The following CELF4 variants were observed in gnomAD, a reference collection of about 807,000 sequenced individuals.
The protein encoded by CELF4 is CUGBP Elav-like family member 4, also known as CUG-BP- and ETR-3-like factor 4.
A neutral mutation model predicts 59.9 loss-of-function variants in CELF4; 18 were observed. That is an observed-to-expected ratio of 0.30 (90% CI 0.21 to 0.45). The LOEUF (loss-of-function observed/expected upper bound fraction) is 0.45. Ranked by LOEUF, CELF4 falls within the 20% of genes least tolerant of loss-of-function variation. The pLI is 1.00. For missense variants in CELF4, 456 were observed against 689.0 expected, an observed-to-expected ratio of 0.66 and a Z score of 3.79; for synonymous variants, 261 against 267.1, an observed-to-expected ratio of 0.98 and a Z score of 0.22.
intron 2 of CELF4, among the ~76,000 whole-genome samples, chr18:37,375,372 G>A (rs2098956284): frequency 6.6e-6 from 1 of 152,148 alleles, no homozygotes; most frequent in Admixed American, 6.5e-5. Context: ...CAGTACCAGG[G>A]CAGCAGCTAG....
chr18:37,453,101 C>T (rs999425619), intron 2 of CELF4, among the ~76,000 whole-genome samples: 11 of 152,260 alleles, frequency 7.2e-5, no homozygotes, highest in East Asian at 3.9e-4. Flanking sequence ...GCCTTGCTTC[C>T]GGGTTCCCTC....
At chr18:37,399,812 CA>C (rs2099302671) in intron 2 of CELF4, among the ~76,000 whole-genome samples, 1 of 152,214 alleles carries the variant, frequency 6.6e-6, no homozygotes, top group Non-Finnish European at 1.5e-5. Flanking sequence ...TGACCTTGGG[CA>C]AATCAATTCA....
rs368009011 is a variant in CELF4 at position 37,369,016 on chromosome 18, C to CAGCT, written c.370-47139_370-47136dup. The stretch of plus-strand genomic sequence containing the variant: ...CCTGGGGGCTGAGTGCTTGCTTGGG[C>CAGCT]AGCTCTAAGGTGGATTCCAGAATGG... On this transcript the variant is annotated intron_variant, in intron 2 of 12. Transcript: ENST00000420428. 5.9e-5 allele frequency among the ~76,000 whole-genome samples: 9 copies of CAGCT among 152,310 alleles called. 1 individual carries two copies. Among genetic ancestry groups the CAGCT allele is most frequent in the African/African-American group, 2.2e-4 (9 of 41,564 alleles).
intron 3 of CELF4, among the ~76,000 whole-genome samples, chr18:37,292,443 C>T (rs143103864): frequency 3.9e-5 from 6 of 152,278 alleles, no homozygotes; most frequent in Admixed American, 1.3e-4. Flanking sequence ...GCCCTTAAAT[C>T]GCCCCACAGA....
chr18:37,275,002 C>A, intron 4 of CELF4, 113 bp downstream of exon 4: 1 of 1,537,376 alleles, frequency 6.5e-7, no homozygotes. Context: ...GAAAGAGACA[C>A]CAAGAAGCCC....
intron 8 of CELF4, among the ~76,000 whole-genome samples, chr18:37,267,511 G>C (rs1159717316): frequency 1.3e-5 from 2 of 152,220 alleles, no homozygotes; most frequent in East Asian, 3.9e-4. Flanking sequence ...AGCCCAGAGA[G>C]GTGGTAGAGG....
At chr18:37,432,529 C>G (rs1399408307) in intron 2 of CELF4, among the ~76,000 whole-genome samples, 1 of 152,188 alleles carries the variant, frequency 6.6e-6, no homozygotes. Context: ...CAAAGCAAAT[C>G]CTGGGGGCAG....
intron 2 of CELF4, among the ~76,000 whole-genome samples, chr18:37,342,466 C>A (rs1179324973): frequency 5.9e-5 from 9 of 152,152 alleles, no homozygotes; most frequent in African/African-American, 1.4e-4. Context: ...GGGAAGGGGG[C>A]CTGCCTCGGA....
Position 37,246,651 on chromosome 18 carries a change from C to G in CELF4, c.*45-1454G>C, listed in dbSNP as rs974998870. Among the ~76,000 whole-genome samples, 1 of 151,508 alleles carries G rather than the reference C, an allele frequency of 6.6e-6. No homozygotes were observed. Among genetic ancestry groups the G allele is most frequent in the African/African-American group, 2.4e-5 (1 of 41,172 alleles). ...TAGCCTAACTGGAAAAAGACCAGAC[C>G]TAGGAAAGTGTCAATTGAAAAAGGC... is the stretch of plus-strand genomic sequence containing the variant. On this transcript the variant is annotated intron_variant, in intron 12 of 12. Transcript: ENST00000420428. The surrounding 1 kb of genome is among the most constrained non-coding windows in gnomAD (Gnocchi z 5.3).
intron 2 of CELF4, among the ~76,000 whole-genome samples, chr18:37,346,449 C>T (rs568992461): frequency 6.6e-6 from 1 of 152,264 alleles, no homozygotes; most frequent in Admixed American, 6.5e-5. Context: ...CTAGAATTGA[C>T]TTGTTTTAGT....
In CELF4 at chr18:37,403,125, G is replaced by A. The variant is rs542588809; in HGVS notation, c.370-81244C>T. Among the ~76,000 whole-genome samples the A allele has an allele frequency of 8.8e-4, 134 of 152,162 alleles. 1 individual carries two copies. The South Asian group carries it at 0.025, about 29-fold the overall frequency. ...GTGAGAGTGAGGGGAGAGATGGGGC[G>A]AGGAGGGGAGACAGGCAGAGAGAGA... On this transcript the variant is annotated intron_variant, in intron 2 of 12. Transcript: ENST00000420428.
chr18:37,272,952 T>C (rs2092002016), intron 7 of CELF4, 64 bp downstream of exon 7: 4 of 1,503,164 alleles, frequency 2.7e-6, no homozygotes, highest in Non-Finnish European at 3.6e-6. Flanking sequence ...TGAAATTAGG[T>C]CCCAGCCTGG....
At chr18:37,258,754 C>T (rs1483133128) in intron 11 of CELF4, among the ~76,000 whole-genome samples, 2 of 152,184 alleles carry the variant, frequency 1.3e-5, no homozygotes, top group Admixed American at 6.5e-5. Flanking sequence ...CAGGCCAGGC[C>T]ACTCTCACCA....
chr18:37,299,124 G>C (rs2095847948), intron 3 of CELF4, among the ~76,000 whole-genome samples: 1 of 152,172 alleles, frequency 6.6e-6, no homozygotes, highest in African/African-American at 2.4e-5. Context: ...GGCAGAGAGG[G>C]CTCCTGGGGT....
At chr18:37,343,826 C>T (rs1245069040) in intron 2 of CELF4, among the ~76,000 whole-genome samples, 1 of 152,098 alleles carries the variant, frequency 6.6e-6, no homozygotes, top group African/African-American at 2.4e-5. Flanking sequence ...CCCATCCAGA[C>T]TCCCCACTCC....
intron 2 of CELF4, among the ~76,000 whole-genome samples, chr18:37,370,279 G>A (rs574859439): frequency 6.6e-6 from 1 of 152,286 alleles, no homozygotes; most frequent in East Asian, 1.9e-4. Context: ...CTGGTTGGGG[G>A]CCATTTCCCC....
At chr18:37,436,751 G>A (rs1376415353) in intron 2 of CELF4, among the ~76,000 whole-genome samples, 4 of 152,146 alleles carry the variant, frequency 2.6e-5, no homozygotes, top group Admixed American at 6.5e-5. Context: ...TGGAGGGAAT[G>A]GCTGGGGCTA....
chr18:37,336,396 C>T (rs1248358244), intron 2 of CELF4, among the ~76,000 whole-genome samples: 1 of 152,184 alleles, frequency 6.6e-6, no homozygotes, highest in East Asian at 1.9e-4. Flanking sequence ...GTTGCCCAGG[C>T]TGGTCTTGAA....
At chr18:37,406,874 G>A (rs2099392720) in intron 2 of CELF4, among the ~76,000 whole-genome samples, 1 of 152,040 alleles carries the variant, frequency 6.6e-6, no homozygotes, top group Admixed American at 6.5e-5. Flanking sequence ...TGGGGGAATG[G>A]GGAAAGCCAG....
Sources: gnomAD v4.1 joint callset for allele counts (sites outside exome capture counted in the v4.1 genomes callset) on GRCh38, gnomAD v4.1.1 for gene constraint, Gnocchi (gnomAD v3.1) non-coding constraint, MANE v1.5 for transcripts, NCBI Gene and HGNC (gene_info 2026-07-23, HGNC 2026-07-21) for gene names.